Variants in MYO9A observed in about 807,000 individuals in gnomAD.
MYO9A encodes the protein unconventional myosin-IXa.
Under a neutral mutation model 293.3 loss-of-function variants are expected in MYO9A, and 103 were observed. The observed-to-expected ratio is 0.35, with a 90% CI of 0.30 to 0.41. MYO9A has a LOEUF of 0.41. MYO9A is among the 10% of genes least tolerant of loss of function. MYO9A has a pLI of 1.00. For synonymous variants in MYO9A, 1,001 were observed against 1,035.7 expected, an observed-to-expected ratio of 0.97 and a Z score of 0.64; for missense variants, 2,685 against 3,033.0, an observed-to-expected ratio of 0.89 and a Z score of 2.69.
chr15:72,064,023 C>T lies in MYO9A; in HGVS notation c.-71-17389G>A, dbSNP rs1030299246. On this transcript the variant is annotated intron_variant, in intron 1 of 41. Coordinates refer to ENST00000356056, the MANE Select transcript of MYO9A (RefSeq NM_006901.4). ...ATCATTTGCAACAACATGGATGGAACTGGAGGATACTATGTTAAGCAAAAT... is the reference window on the plus strand; with the variant it reads ...ATCATTTGCAACAACATGGATGGAATTGGAGGATACTATGTTAAGCAAAAT... Among the ~76,000 whole-genome samples, 17 of 152,132 alleles carry T rather than the reference C, an allele frequency of 1.1e-4. 1 individual carries two copies. The highest frequency in any genetic ancestry group is 3.9e-4 in the African/African-American group (16 of 41,420).
intron 35 of MYO9A, among the ~76,000 whole-genome samples, chr15:71,852,828 C>T (rs753894996): frequency 1.3e-5 from 2 of 152,122 alleles, no homozygotes; most frequent in Admixed American, 1.3e-4. Context: ...CCAGGAGCAG[C>T]GGCTCATGAC....
Position 72,099,647 on chromosome 15 carries a change from A to G in MYO9A, c.-72+18033T>C, listed in dbSNP as rs535119982. On this transcript the variant is annotated intron_variant, in intron 1 of 41. Coordinates refer to ENST00000356056, the MANE Select transcript of MYO9A (RefSeq NM_006901.4). ...GCTGGGCGCGGTGGCTCATGCCTGT[A>G]ATCCCAGAATTTTGGGAGGCTGAGC... Among the ~76,000 whole-genome samples, 7 of 151,982 alleles carry G rather than the reference A, an allele frequency of 4.6e-5. No homozygotes were observed. In the East Asian group the frequency reaches 1.4e-3, roughly 30 times the overall value.
chr15:72,004,994 C>A (rs1248510500), intron 8 of MYO9A, among the ~76,000 whole-genome samples: 1 of 152,132 alleles, frequency 6.6e-6, no homozygotes, highest in Non-Finnish European at 1.5e-5. Flanking sequence ...TATCTTTGTA[C>A]TCTATCTCAA....
At chr15:71,974,180 G>C (rs2076081585) in intron 12 of MYO9A, among the ~76,000 whole-genome samples, 1 of 152,060 alleles carries the variant, frequency 6.6e-6, no homozygotes. Flanking sequence ...TTCAGAACGA[G>C]AAACACATTG....
intron 1 of MYO9A, among the ~76,000 whole-genome samples, chr15:72,101,696 G>T (rs1410839279): frequency 5.9e-5 from 8 of 136,092 alleles, no homozygotes; most frequent in African/African-American, 2.2e-4. Flanking sequence ...GGTGGGGGGG[G>T]TCAGCCCCCC....
chr15:71,905,315 C>G (rs1209942494), intron 19 of MYO9A, among the ~76,000 whole-genome samples: 1 of 152,114 alleles, frequency 6.6e-6, no homozygotes, highest in African/African-American at 2.4e-5. Context: ...TATTCAAACT[C>G]ATGTATCCTA....
At chr15:71,953,802 G>A (rs906139272) in intron 14 of MYO9A, 1 of 152,196 alleles carries the variant, frequency 6.6e-6, no homozygotes, top group Non-Finnish European at 1.5e-5. Flanking sequence ...CCCCTGCCAA[G>A]GTAGTTTGGT....
At position 71,878,157 on chromosome 15, in the gene MYO9A, C is replaced by A; in HGVS notation, c.5814G>T (p.Arg1938Ser). 6.2e-7 allele frequency: 1 copy of A among 1,612,700 alleles called. No individual in the cohort carries two copies. ...CACCCAGTGAATCACGCTGCTCAAG[C>A]CTCATCGTCTTTTCCAGAATCTGTT... ...LFEQILEKTMRLEQRDSLGES... is the reference protein window; with the variant it reads ...LFEQILEKTMSLEQRDSLGES... Residue 1938 changes from arginine to serine, a missense_variant, in exon 31 of 42, where the codon AGG (arginine) becomes AGT (serine). Physicochemically the swap from Arg to Ser is moderately radical, Grantham distance 110. Transcript: ENST00000356056.
chr15:71,832,815 A>G, intron 39 of MYO9A, among the ~76,000 whole-genome samples: 1 of 152,230 alleles, frequency 6.6e-6, no homozygotes, highest in African/African-American at 2.4e-5. Flanking sequence ...TGTTGAATTT[A>G]AAACATACAG....
chr15:72,099,318 T>G (rs1419438423), intron 1 of MYO9A, among the ~76,000 whole-genome samples: 1 of 147,736 alleles, frequency 6.8e-6, no homozygotes, highest in Non-Finnish European at 1.5e-5. Context: ...TGCACACCTG[T>G]GGTCTCAGCT....
At chr15:72,058,793 G>T (rs1031978069) in intron 1 of MYO9A, among the ~76,000 whole-genome samples, 10 of 152,054 alleles carry the variant, frequency 6.6e-5, no homozygotes, top group Non-Finnish European at 1.0e-4. Context: ...GAGTTAGAAG[G>T]GACTAATTAC....
intron 9 of MYO9A, 100 bp from the exon 10 acceptor site, chr15:71,994,685 T>C (rs964229849): frequency 8.3e-6 from 5 of 606,018 alleles, no homozygotes; most frequent in Non-Finnish European, 1.4e-5. Flanking sequence ...CTTACTATCC[T>C]GAATTAGAAA....
At chr15:71,965,806 C>G (rs1251439919) in intron 13 of MYO9A, among the ~76,000 whole-genome samples, 1 of 152,176 alleles carries the variant, frequency 6.6e-6, no homozygotes, top group African/African-American at 2.4e-5. Flanking sequence ...GTTGAACTGG[C>G]CCCTTTTATC....
At chr15:72,003,048 T>A (rs2076912663) in intron 8 of MYO9A, among the ~76,000 whole-genome samples, 1 of 151,804 alleles carries the variant, frequency 6.6e-6, no homozygotes. Context: ...GGCGGGAGGA[T>A]CACCTTAAGT....
chr15:71,991,033 G>A (rs1457731538), intron 11 of MYO9A, 70 bp downstream of exon 11: 2 of 1,301,796 alleles, frequency 1.5e-6, no homozygotes, highest in South Asian at 2.0e-5. Flanking sequence ...AAAATGAAGT[G>A]AATTATTATG....
intron 26 of MYO9A, among the ~76,000 whole-genome samples, chr15:71,889,277 G>A (rs2057108523): frequency 6.6e-6 from 1 of 151,960 alleles, no homozygotes; most frequent in Non-Finnish European, 1.5e-5. Context: ...AGGATTAAAG[G>A]TAATTGAGCC....
At chr15:71,874,846 A>G (rs2142222402) in intron 32 of MYO9A, among the ~76,000 whole-genome samples, 1 of 152,318 alleles carries the variant, frequency 6.6e-6, no homozygotes. Flanking sequence ...ACACATTTGT[A>G]CATACTGTTT....
chr15:71,907,238 C>T (rs1224510376), intron 19 of MYO9A, among the ~76,000 whole-genome samples: 1 of 151,064 alleles, frequency 6.6e-6, no homozygotes, highest in Admixed American at 6.6e-5. Context: ...ATGATGATTT[C>T]CAATTTCATC....
In MYO9A at chr15:71,826,557, C is replaced by T. The variant is rs1198406584; in HGVS notation, c.*23G>A. 11 of 1,551,298 alleles carry T rather than the reference C, an allele frequency of 7.1e-6. No homozygotes were observed. The highest frequency in any genetic ancestry group is 4.1e-5 in the Admixed American group (2 of 49,114). On this transcript the variant is annotated 3_prime_UTR_variant, in exon 42 of 42. Transcript: ENST00000356056. ...AGATTTGTTTACCACTCTGTAGCCA[C>T]GGAGGGACACACATCTGCCGGTTCA...
Sources: gnomAD v4.1 joint callset for allele counts (sites outside exome capture counted in the v4.1 genomes callset) on GRCh38, gnomAD v4.1.1 for gene constraint, MANE v1.5 for transcripts, NCBI Gene and HGNC (gene_info 2026-07-23, HGNC 2026-07-21) for gene names.